BBS9: variants seen among roughly 807,000 people sequenced by gnomAD.
The protein encoded by BBS9 is protein PTHB1.
In BBS9, 89 loss-of-function variants were observed where a neutral mutation model predicts 117.7. That is an observed-to-expected ratio of 0.76 (90% CI 0.64 to 0.90). BBS9 has a LOEUF of 0.90. Among genes scored for constraint, BBS9 ranks in the 40% least tolerant of loss-of-function variants. The pLI is 0.00. For synonymous variants in BBS9, 379 were observed against 370.9 expected (o/e 1.02, Z -0.25); for missense variants, 982 against 1,042.2 (o/e 0.94, Z 0.80).
rs569917440 is a variant in BBS9 at position 33,620,364 on chromosome 7, T to A, written c.2522-14813T>A. 5.9e-5 allele frequency among the ~76,000 whole-genome samples: 9 copies of A among 152,102 alleles called. No homozygotes were observed. In the East Asian group the frequency reaches 1.5e-3, roughly 26 times the overall value. On this transcript the variant is annotated intron_variant, in intron 21 of 21. Transcript: ENST00000671952. ...TTAAAAAAACTGTTAAATAAACCCT[T>A]AAGACTCCTTTTAAAAACTATTAAA...
At chr7:33,245,113 C>G (rs1394303823) in intron 5 of BBS9, among the ~76,000 whole-genome samples, 1 of 152,124 alleles carries the variant, frequency 6.6e-6, no homozygotes, top group African/African-American at 2.4e-5. Flanking sequence ...ACTAAGGGAT[C>G]TAAGGATCAT....
At chr7:33,460,245 G>A (rs1839260307) in intron 19 of BBS9, among the ~76,000 whole-genome samples, 1 of 152,040 alleles carries the variant, frequency 6.6e-6, no homozygotes, top group Admixed American at 6.6e-5. Flanking sequence ...CTTCATTTGG[G>A]TAATGTTCAT....
intron 5 of BBS9, among the ~76,000 whole-genome samples, chr7:33,197,031 T>G (rs1428991472): frequency 2.6e-5 from 4 of 152,102 alleles, no homozygotes; most frequent in Non-Finnish European, 4.4e-5. Flanking sequence ...TATCAAAATT[T>G]GGTTAAATAC....
chr7:33,387,627 G>T (rs1000898839), intron 18 of BBS9, among the ~76,000 whole-genome samples: 2 of 151,996 alleles, frequency 1.3e-5, no homozygotes, highest in Non-Finnish European at 2.9e-5. Context: ...TAAAAATTCT[G>T]ATTTTTCTGG....
At chr7:33,401,455 G>A (rs1020653920) in intron 19 of BBS9, among the ~76,000 whole-genome samples, 9 of 151,804 alleles carry the variant, frequency 5.9e-5, no homozygotes, top group African/African-American at 1.9e-4. Flanking sequence ...GCCTAAGGTG[G>A]TTGGGCTACA....
chr7:33,139,028 G>A (rs1047920950), intron 1 of BBS9, among the ~76,000 whole-genome samples: 10 of 151,230 alleles, frequency 6.6e-5, no homozygotes, highest in African/African-American at 1.9e-4. Flanking sequence ...TGAGGTCGGC[G>A]GATCACCTAA....
At chr7:33,234,961 C>A (rs1156505223) in intron 5 of BBS9, among the ~76,000 whole-genome samples, 1 of 151,812 alleles carries the variant, frequency 6.6e-6, no homozygotes, top group South Asian at 2.1e-4. Context: ...ATTTTTTCTC[C>A]TTTAATTTGG....
intron 19 of BBS9, among the ~76,000 whole-genome samples, chr7:33,504,071 A>G (rs943773877): frequency 1.3e-5 from 2 of 152,170 alleles, no homozygotes; most frequent in Non-Finnish European, 2.9e-5. Context: ...TTTCTTTCCA[A>G]CAAATTATAA....
At chr7:33,633,081 A>G (rs1383052918) in intron 21 of BBS9, among the ~76,000 whole-genome samples, 1 of 152,190 alleles carries the variant, frequency 6.6e-6, no homozygotes, top group East Asian at 1.9e-4. Flanking sequence ...AATTAAGACA[A>G]TCTGCTTTGG....
intron 5 of BBS9, among the ~76,000 whole-genome samples, chr7:33,190,244 T>G (rs1401461482): frequency 6.6e-6 from 1 of 151,622 alleles, no homozygotes; most frequent in Non-Finnish European, 1.5e-5. Context: ...CTCAGCCTCC[T>G]GAGCAGCTGG....
In BBS9 at chr7:33,590,847, T is replaced by C. The variant is rs866593470; in HGVS notation, c.2522-14018T>C. Among the ~76,000 whole-genome samples the C allele has an allele frequency of 1.1e-4, 17 of 148,756 alleles. No homozygotes were observed. In the South Asian group the frequency reaches 2.2e-3, roughly 19 times the overall value. ...TTGAAGCAGAGAAAGATCAAGTAAA[T>C]AGTTTTTCTTTTTTAAAAAAAAAAC... On this transcript the variant is annotated intron_variant, in intron 21 of 22. Coordinates refer to ENST00000242067, the MANE Select transcript of BBS9 (RefSeq NM_198428.3).
At chr7:33,540,271 A>G (rs1400930109) in intron 21 of BBS9, among the ~76,000 whole-genome samples, 3 of 152,234 alleles carry the variant, frequency 2.0e-5, no homozygotes, top group Non-Finnish European at 2.9e-5. Flanking sequence ...ATATCACACA[A>G]TACATTTCAG....
rs113024677 is a variant in BBS9, at chr7:33,203,717, A to ACTTTTCTTTTCTTTT, written c.442+26127_442+26141dup. ...TTTATTTTTACGATATTGGAACACT[A>ACTTTTCTTTTCTTTT]CTTTTCTTTTCTTTTTTTTTCTTGA... On this transcript the variant is annotated intron_variant, in intron 5 of 22. Coordinates refer to ENST00000242067, the MANE Select transcript of BBS9 (RefSeq NM_198428.3). Among the ~76,000 whole-genome samples the ACTTTTCTTTTCTTTT allele has an allele frequency of 3.4e-4, 52 of 150,742 alleles. No individual in the cohort carries two copies. In the East Asian group the frequency reaches 4.0e-3, roughly 11 times the overall value.
At chr7:33,465,741 G>A (rs1288143295) in intron 19 of BBS9, among the ~76,000 whole-genome samples, 1 of 152,016 alleles carries the variant, frequency 6.6e-6, no homozygotes, top group Non-Finnish European at 1.5e-5. Flanking sequence ...TAATACATAT[G>A]GATACATGTT....
intron 19 of BBS9, among the ~76,000 whole-genome samples, chr7:33,461,584 G>A (rs1839476241): frequency 6.6e-6 from 1 of 151,722 alleles, no homozygotes; most frequent in South Asian, 2.1e-4. Flanking sequence ...AAGACAACTA[G>A]CTCTTCCCTA....
In BBS9 at chr7:33,605,336, C is replaced by T. The variant is rs1050721; in HGVS notation, c.*110C>T. On this transcript the variant is annotated 3_prime_UTR_variant, in exon 23 of 23. Transcript: ENST00000242067. ...GCTGGCGCAGGTGCTTCCTAAAGCT[C>T]ACCTTCCTGGAGATGACATGCATAG... 0.33 allele frequency: 384,754 copies of T among 1,164,360 alleles called. 80,635 individuals are homozygous for T. Among genetic ancestry groups the T allele is most frequent in the African/African-American group, 0.83 (54,927 of 65,944 alleles). The allele number at this position is 1,164,360 out of a possible 1,614,324, so 72.1% of individuals were successfully genotyped here.
chr7:33,261,098 CTA>C (rs1219905154), intron 6 of BBS9, among the ~76,000 whole-genome samples: 1 of 151,080 alleles, frequency 6.6e-6, no homozygotes, highest in Non-Finnish European at 1.5e-5. Flanking sequence ...TGTCTATCTC[CTA>C]TGTCTGAAGT....
intron 19 of BBS9, chr7:33,390,118 T>C: frequency 9.2e-6 from 3 of 325,102 alleles, no homozygotes; most frequent in Non-Finnish European, 8.8e-6. Context: ...TTTTCCTTTT[T>C]CCCATTTCTT....
At chr7:33,551,239 T>C (rs1854366652) in intron 21 of BBS9, among the ~76,000 whole-genome samples, 1 of 152,182 alleles carries the variant, frequency 6.6e-6, no homozygotes, top group African/African-American at 2.4e-5. Flanking sequence ...CCCAGTTGAC[T>C]GCCGCTATAG....
Sources: gnomAD v4.1 joint callset for allele counts (sites outside exome capture counted in the v4.1 genomes callset) on GRCh38, gnomAD v4.1.1 for gene constraint, MANE v1.5 for transcripts, NCBI Gene and HGNC (gene_info 2026-07-23, HGNC 2026-07-21) for gene names.